Variants in ZNF718 observed in about 807,000 individuals in gnomAD.
The protein encoded by ZNF718 is zinc finger protein 718.
ZNF718 carries 3 observed loss-of-function variants against 2.6 expected under a neutral mutation model. The observed-to-expected ratio is 1.16, with a 90% CI of 0.53 to 3.01. The LOEUF (loss-of-function observed/expected upper bound fraction) is 3.01. ZNF718 is among the 30% of genes most tolerant of loss of function. The pLI, the probability that ZNF718 is intolerant of heterozygous loss-of-function variation, is 0.03. For synonymous variants in ZNF718, 135 were observed against 77.9 expected, an observed-to-expected ratio of 1.73 and a Z score of -3.86; for missense variants, 468 against 230.0, an observed-to-expected ratio of 2.03 and a Z score of -6.69.
chr4:142,144 A>C, intron 3 of ZNF718: 2 of 470,776 alleles, frequency 4.2e-6, no homozygotes, highest in Admixed American at 4.4e-5. Flanking sequence ...AGCCATTGGA[A>C]CCCTTGAGGT....
intron 3 of ZNF718, among the ~76,000 whole-genome samples, chr4:178,729 T>C (rs984435013): frequency 6.6e-6 from 1 of 152,222 alleles, no homozygotes; most frequent in Non-Finnish European, 1.5e-5. Flanking sequence ...GTTCATTTTA[T>C]TAAAAATCAA....
At chr4:146,427 G>A (rs938031538) in intron 3 of ZNF718, among the ~76,000 whole-genome samples, 19 of 151,980 alleles carry the variant, frequency 1.3e-4, no homozygotes, top group African/African-American at 4.6e-4. Context: ...TCCCTTATAT[G>A]AGAAGAATCT....
intron 3 of ZNF718, among the ~76,000 whole-genome samples, chr4:138,862 T>G (rs1715688489): frequency 1.3e-5 from 2 of 152,312 alleles, no homozygotes; most frequent in South Asian, 2.1e-4. Context: ...TCATTGTCAT[T>G]TTGATTTGCA....
intron 3 of ZNF718, among the ~76,000 whole-genome samples, chr4:155,109 GAGGTT>G (rs1186195574): frequency 6.6e-6 from 1 of 151,998 alleles, no homozygotes; most frequent in African/African-American, 2.4e-5. Flanking sequence ...AGTCAAAAGC[GAGGTT>G]TGGAAACCTC....
Position 161,128 on chromosome 4 carries a change from G to C in ZNF718, c.443G>C (p.Cys148Ser), listed in dbSNP as rs1553814918. The part of the protein sequence containing the change: ...TQKKTIQSNI[C>S]VKVFHKFSNS... The stretch of plus-strand genomic sequence containing the variant: ...AAAAAAACAATTCAATCTAATATAT[G>C]TGTCAAAGTTTTTCATAAATTTTCA... The change falls in exon 4 of 4, where the codon TGT (cysteine) becomes TCT (serine). Residue 148 changes from cysteine to serine, a missense_variant. Physicochemically the swap from Cys to Ser is moderately radical, Grantham distance 112. Coordinates refer to ENST00000510175, the MANE Select transcript of ZNF718 (RefSeq NM_001039127.6). 1.3e-6 allele frequency: 1 copy of C among 758,074 alleles called. No homozygotes were observed. Among genetic ancestry groups the C allele is most frequent in the African/African-American group, 1.7e-5 (1 of 58,286 alleles). 47.0% of individuals were successfully genotyped at this position (758,074 alleles called of 1,614,324 possible). A position where few individuals can be genotyped will look rare whatever the true frequency, so the allele number is the denominator to read the frequency against.
chr4:200,529 A>C (rs1275862885), intron 3 of ZNF718, among the ~76,000 whole-genome samples: 1 of 152,132 alleles, frequency 6.6e-6, no homozygotes, highest in African/African-American at 2.4e-5. Flanking sequence ...AGCCTCCCAA[A>C]GTGCTGGCAT....
intron 3 of ZNF718, among the ~76,000 whole-genome samples, chr4:156,813 A>G (rs972623346): frequency 3.3e-5 from 5 of 152,134 alleles, no homozygotes; most frequent in African/African-American, 1.2e-4. Context: ...AACTAATATT[A>G]ATATTTCAAA....
intron 3 of ZNF718, among the ~76,000 whole-genome samples, chr4:177,892 G>GA (rs1252473192): frequency 3.3e-5 from 5 of 150,136 alleles, no homozygotes; most frequent in African/African-American, 9.8e-5. Context: ...GACATGAGCA[G>GA]AAAAAAAAAG....
At chr4:146,078 T>C (rs1340315300) in intron 3 of ZNF718, among the ~76,000 whole-genome samples, 1 of 13,168 alleles carries the variant, frequency 7.6e-5, no homozygotes, top group Non-Finnish European at 1.5e-4. Context: ...TATAGCCTTC[T>C]ATATATATAT....
intron 3 of ZNF718, among the ~76,000 whole-genome samples, chr4:140,702 TA>T (rs1553810126): frequency 1.3e-5 from 2 of 152,234 alleles, no homozygotes; most frequent in Non-Finnish European, 2.9e-5. Flanking sequence ...GGTTCCAAGC[TA>T]TTGAGTCTTC....
chr4:172,422 T>G (rs984730412), intron 3 of ZNF718, among the ~76,000 whole-genome samples: 2 of 152,252 alleles, frequency 1.3e-5, no homozygotes, highest in Non-Finnish European at 2.9e-5. Flanking sequence ...AAGCATGTAT[T>G]AATGTAATTC....
At chr4:170,723 A>G (rs1553817803) in intron 3 of ZNF718, among the ~76,000 whole-genome samples, 1 of 151,818 alleles carries the variant, frequency 6.6e-6, no homozygotes, top group East Asian at 1.9e-4. Context: ...ACTTCTCTGC[A>G]TTATTATTCT....
intron 3 of ZNF718, among the ~76,000 whole-genome samples, chr4:156,917 C>G (rs1284557190): frequency 2.0e-5 from 3 of 152,070 alleles, no homozygotes; most frequent in Non-Finnish European, 2.9e-5. Flanking sequence ...ACAAATTACT[C>G]TTCATGTGAC....
chr4:177,733 T>C (rs549453188), intron 3 of ZNF718, among the ~76,000 whole-genome samples: 1 of 152,290 alleles, frequency 6.6e-6, no homozygotes, highest in Admixed American at 6.5e-5. Context: ...AGGATATCTT[T>C]CCCTGACAAA....
At chr4:159,536 T>C (rs1716732159) in intron 3 of ZNF718, among the ~76,000 whole-genome samples, 1 of 152,190 alleles carries the variant, frequency 6.6e-6, no homozygotes, top group Non-Finnish European at 1.5e-5. Flanking sequence ...TAAATCTCTA[T>C]GTGTGTATCC....
At chr4:188,520 C>G (rs1179831475) in intron 3 of ZNF718, among the ~76,000 whole-genome samples, 1 of 152,178 alleles carries the variant, frequency 6.6e-6, no homozygotes, top group Non-Finnish European at 1.5e-5. Flanking sequence ...TGCTCATCCC[C>G]CTGGATTCAG....
At chr4:126,882 A>T (rs1222981466) in intron 1 of ZNF718, among the ~76,000 whole-genome samples, 1 of 150,604 alleles carries the variant, frequency 6.6e-6, no homozygotes, top group African/African-American at 2.4e-5. Context: ...GCTGGAGTGC[A>T]GTAGTGCGAT....
downstream of ZNF718, among the ~76,000 whole-genome samples, chr4:167,721 A>C (rs1211421236): frequency 6.6e-5 from 10 of 152,170 alleles, no homozygotes; most frequent in African/African-American, 2.4e-4. Context: ...ACTTTGCTGA[A>C]GTTGCCTATC....
At chr4:166,383 T>C (rs557066063), downstream of ZNF718, among the ~76,000 whole-genome samples, 63 of 152,330 alleles carry the variant, frequency 4.1e-4, no homozygotes, top group African/African-American at 1.4e-3. Flanking sequence ...GATGGCTGGG[T>C]CAAATGGTAT....
Sources: allele counts gnomAD v4.1 joint callset (sites outside exome capture counted in the v4.1 genomes callset), GRCh38; gene constraint gnomAD v4.1.1; transcripts MANE v1.5; gene names NCBI Gene and HGNC (gene_info 2026-07-23, HGNC 2026-07-21).